SVEP1: variants seen among roughly 807,000 people sequenced by gnomAD.
The protein encoded by SVEP1 is sushi, von Willebrand factor type A, EGF and pentraxin domain containing 1.
A neutral mutation model predicts 367.3 loss-of-function variants in SVEP1; 164 were observed. The observed-to-expected ratio is 0.45, with a 90% CI of 0.39 to 0.51. The LOEUF is 0.51. Among genes scored for constraint, SVEP1 ranks in the 20% least tolerant of loss-of-function variants. SVEP1 has a pLI of 0.00. For missense variants in SVEP1, 4,117 were observed against 4,425.3 expected, an observed-to-expected ratio of 0.93 and a Z score of 1.98; for synonymous variants, 1,666 against 1,611.6, an observed-to-expected ratio of 1.03 and a Z score of -0.81.
intron 9 of SVEP1, 43 bp from the exon 10 acceptor site, chr9:110,483,736 C>A: frequency 6.9e-7 from 1 of 1,444,956 alleles, no homozygotes; most frequent in South Asian, 1.4e-5. Flanking sequence ...AGCTGATATT[C>A]ACAAACGATG....
chr9:110,408,614 A>C lies in SVEP1; in HGVS notation c.6986T>G (p.Leu2329Trp), dbSNP rs878930313. ...CTCCTTTAATACTAGCTGGTTTTCC[A>C]AGAGGGGCGGCTCTGGGCACTTGGC... ...MPAKCPEPPL[L>W]ENQLVLKELT... The change falls in exon 38 of 48, where the codon TTG becomes TGG. Residue 2329 changes from leucine to tryptophan, a missense_variant. By Grantham distance (61) the Leu-to-Trp change is moderately conservative. This residue lies in a region of SVEP1 where 1,765 missense variants were observed against 1,781.1 expected (regional missense o/e 0.99). Transcript: ENST00000374469. The C allele has an allele frequency of 6.2e-7, 1 of 1,613,992 alleles. No individual in the cohort carries two copies. The highest frequency in any genetic ancestry group is 8.5e-7 in the Non-Finnish European group (1 of 1,179,888).
intron 5 of SVEP1, among the ~76,000 whole-genome samples, chr9:110,504,396 A>G: frequency 6.6e-6 from 1 of 152,046 alleles, no homozygotes; most frequent in East Asian, 1.9e-4. Flanking sequence ...CTCAATTGAG[A>G]GAGTACTTCT....
chr9:110,579,247 G>T lies in SVEP1; in HGVS notation c.297C>A (p.Phe99Leu). The T allele has an allele frequency of 6.4e-7, 1 of 1,570,790 alleles. No homozygotes were observed. Among genetic ancestry groups the T allele is most frequent in the Non-Finnish European group, 8.6e-7 (1 of 1,159,140 alleles). ...TGCGGACGAACATGAGCTCGCTGCG[G>T]AAGTTGACTTCGCCCACGCTGGACG... ...DDSSSVGEVN[F>L]RSELMFVRKL... Residue 99 changes from phenylalanine to leucine, a missense_variant, in exon 1 of 48, where the codon TTC becomes TTA. Phe to Leu is a conservative substitution (Grantham distance 22). This residue lies in a region of SVEP1 where 161 missense variants were observed against 122.4 expected (regional missense o/e 1.32). Transcript: ENST00000374469. The surrounding 1 kb of genome is among the most constrained non-coding windows in gnomAD (Gnocchi z 5.3).
chr9:110,526,273 C>T (rs1483115909), intron 3 of SVEP1, among the ~76,000 whole-genome samples: 2 of 151,938 alleles, frequency 1.3e-5, no homozygotes, highest in Admixed American at 1.3e-4. Context: ...TATTTTCAAC[C>T]TACATATCTG....
intron 3 of SVEP1, among the ~76,000 whole-genome samples, chr9:110,544,664 C>G (rs139109108): frequency 6.6e-6 from 1 of 152,072 alleles, no homozygotes; most frequent in Non-Finnish European, 1.5e-5. Flanking sequence ...ACTATTCACA[C>G]GCATGGGGCA....
At chr9:110,384,696 C>G (rs567927040) in intron 43 of SVEP1, among the ~76,000 whole-genome samples, 4 of 152,182 alleles carry the variant, frequency 2.6e-5, no homozygotes, top group African/African-American at 9.6e-5. Flanking sequence ...AAGTAAGGCA[C>G]TAGCATAAGT....
In SVEP1 at chr9:110,491,311, C is replaced by G. The variant is rs187971953; in HGVS notation, c.1801-1532G>C. 1.6e-3 allele frequency among the ~76,000 whole-genome samples: 236 copies of G among 151,842 alleles called. 1 individual carries two copies. Among genetic ancestry groups the G allele is most frequent in the African/African-American group, 5.4e-3 (225 of 41,494 alleles). Reference sequence around the variant, plus strand: ...ATATATTAACAGTACTTTTGAAATACATTTATTCTATAAATATTTTGCTTT... The same window carrying G: ...ATATATTAACAGTACTTTTGAAATAGATTTATTCTATAAATATTTTGCTTT... On this transcript the variant is annotated intron_variant, in intron 8 of 47. Coordinates refer to ENST00000374469, the MANE Select transcript of SVEP1 (RefSeq NM_153366.4).
At chr9:110,458,658 G>A in intron 19 of SVEP1, 96 bp from the exon 20 acceptor site, 1 of 1,205,156 alleles carries the variant, frequency 8.3e-7, no homozygotes, top group Non-Finnish European at 1.2e-6. Flanking sequence ...GTCAGAGTGG[G>A]TAAAGCCACA....
chr9:110,514,126 A>G lies in SVEP1; in HGVS notation c.965-20T>C, dbSNP rs1335612482. On this transcript the variant is annotated intron_variant, in intron 3 of 47. Coordinates refer to ENST00000374469, the MANE Select transcript of SVEP1 (RefSeq NM_153366.4). ...GGCAAGCTGTGGGCAGACAAGCCGG[A>G]GAAGTCCATGTTATGTGGCACATCA... The G allele has an allele frequency of 6.2e-7, 1 of 1,602,458 alleles. No individual in the cohort carries two copies. Among genetic ancestry groups the G allele is most frequent in the Admixed American group, 1.7e-5 (1 of 58,326 alleles).
chr9:110,562,056 T>C (rs1245036866), intron 1 of SVEP1, among the ~76,000 whole-genome samples: 3 of 152,052 alleles, frequency 2.0e-5, no homozygotes, highest in East Asian at 1.9e-4. Flanking sequence ...CATTTTGAAA[T>C]GGACCCATAG....
intron 3 of SVEP1, among the ~76,000 whole-genome samples, chr9:110,528,125 T>C: frequency 2.4e-5 from 3 of 126,148 alleles, no homozygotes; most frequent in Admixed American, 8.4e-5. Context: ...TATACATACA[T>C]ACACACGTGT....
intron 41 of SVEP1, 65 bp downstream of exon 41, chr9:110,389,459 T>C (rs1348376200): frequency 1.0e-5 from 16 of 1,572,880 alleles, no homozygotes; most frequent in Non-Finnish European, 1.4e-5. Flanking sequence ...AAAGAAAATG[T>C]AGCCACACTG....
At chr9:110,496,126 C>T (rs552308794) in intron 8 of SVEP1, among the ~76,000 whole-genome samples, 24 of 152,308 alleles carry the variant, frequency 1.6e-4, no homozygotes, top group South Asian at 1.2e-3. Flanking sequence ...GATCATTATT[C>T]TGTCAGATGC....
At chr9:110,527,436 T>C (rs1189865818) in intron 3 of SVEP1, among the ~76,000 whole-genome samples, 3 of 151,318 alleles carry the variant, frequency 2.0e-5, no homozygotes, top group African/African-American at 4.8e-5. Flanking sequence ...ATGAGGTGAA[T>C]AGTATGTTTA....
In SVEP1 at chr9:110,366,192, T is replaced by C. The variant is rs1009810137; in HGVS notation, c.*347A>G. The C allele has an allele frequency of 1.6e-4, 32 of 203,998 alleles. No homozygotes were observed. Among genetic ancestry groups the C allele is most frequent in the Non-Finnish European group, 2.7e-4 (28 of 102,610 alleles). 12.6% of individuals were successfully genotyped at this position (203,998 alleles called of 1,614,324 possible). On this transcript the variant is annotated 3_prime_UTR_variant, in exon 48 of 48. Coordinates refer to ENST00000374469, the MANE Select transcript of SVEP1 (RefSeq NM_153366.4). ...AGCAAAATATTATTTAGTAGCAAAA[T>C]ATACTTTAATGGAAAAATCATTTTA...
Position 110,457,177 on chromosome 9 carries a change from T to C in SVEP1, c.3673+79A>G, listed in dbSNP as rs973985252. On this transcript the variant is annotated intron_variant, in intron 21 of 47. Coordinates refer to ENST00000374469, the MANE Select transcript of SVEP1 (RefSeq NM_153366.4). ...AATGTATCTTATCGGATATAGTTAA[T>C]GTACTAAAGTTTGATACTGCAAGTC... 1.8e-5 allele frequency: 21 copies of C among 1,136,516 alleles called. No homozygotes were observed. In the African/African-American group the frequency reaches 2.1e-4, roughly 11 times the overall value. The allele number at this position is 1,136,516 out of a possible 1,614,324, so 70.4% of individuals were successfully genotyped here.
At chr9:110,481,572 T>C in intron 11 of SVEP1, 136 bp from the exon 12 acceptor site, 1 of 549,850 alleles carries the variant, frequency 1.8e-6, no homozygotes, top group Non-Finnish European at 2.9e-6. Flanking sequence ...CCATATGTCT[T>C]TAGTGCAGGA....
chr9:110,425,190 A>G (rs932159864), intron 36 of SVEP1, among the ~76,000 whole-genome samples: 2 of 152,288 alleles, frequency 1.3e-5, no homozygotes, highest in East Asian at 3.9e-4. Context: ...TCCTTTCAGA[A>G]AAAGACTACA....
At chr9:110,387,093 G>A (rs1827536595) in intron 42 of SVEP1, among the ~76,000 whole-genome samples, 192 bp downstream of exon 42, 1 of 152,144 alleles carries the variant, frequency 6.6e-6, no homozygotes, top group Admixed American at 6.6e-5. Flanking sequence ...GACAAAAGCT[G>A]ATTCTCAGAC....
Sources: allele counts gnomAD v4.1 joint callset (sites outside exome capture counted in the v4.1 genomes callset), GRCh38; gene constraint gnomAD v4.1.1; regional missense constraint gnomAD v4.1.1; non-coding constraint Gnocchi (gnomAD v3.1); transcripts MANE v1.5; gene names NCBI Gene and HGNC (gene_info 2026-07-23, HGNC 2026-07-21).